The following EHBP1 variants were observed in gnomAD, a reference collection of about 807,000 sequenced individuals.
EHBP1 encodes the protein EH domain binding protein 1.
A neutral mutation model predicts 144.0 loss-of-function variants in EHBP1; 55 were observed. The observed-to-expected ratio is 0.38, with a 90% CI of 0.31 to 0.48. The LOEUF is 0.48. Ranked by LOEUF, EHBP1 falls within the 20% of genes least tolerant of loss-of-function variation. The pLI, the probability that EHBP1 is intolerant of heterozygous loss-of-function variation, is 0.98. For synonymous variants in EHBP1, 469 were observed against 472.7 expected, an observed-to-expected ratio of 0.99 and a Z score of 0.10; for missense variants, 1,200 against 1,364.2, an observed-to-expected ratio of 0.88 and a Z score of 1.90.
intron 5 of EHBP1, among the ~76,000 whole-genome samples, chr2:62,778,495 C>T (rs958423387): frequency 1.3e-5 from 2 of 148,856 alleles, no homozygotes; most frequent in Non-Finnish European, 3.0e-5. Flanking sequence ...AATGAGCTCT[C>T]ATTGCGCCAC....
intron 19 of EHBP1, among the ~76,000 whole-genome samples, chr2:63,003,749 G>C (rs774844147): frequency 1.4e-4 from 22 of 152,078 alleles, no homozygotes; most frequent in Non-Finnish European, 2.9e-4. Flanking sequence ...GAAGAAGCCA[G>C]AGGGGATTAT....
At chr2:63,005,558 A>C (rs2060003925) in intron 19 of EHBP1, among the ~76,000 whole-genome samples, 1 of 152,206 alleles carries the variant, frequency 6.6e-6, no homozygotes, top group East Asian at 1.9e-4. Context: ...CTGTAAGCTT[A>C]AAGAATAAGA....
intron 1 of EHBP1, among the ~76,000 whole-genome samples, chr2:62,694,576 C>A (rs1273781807): frequency 1.3e-5 from 2 of 151,842 alleles, no homozygotes; most frequent in Non-Finnish European, 2.9e-5. Flanking sequence ...CTCTTACTGC[C>A]TTTTAAAATG....
intron 10 of EHBP1, among the ~76,000 whole-genome samples, chr2:62,875,971 A>G (rs1439685777): frequency 1.3e-5 from 2 of 152,214 alleles, no homozygotes; most frequent in Non-Finnish European, 2.9e-5. Flanking sequence ...CCCCTAAGAC[A>G]TATGAGATTA....
At chr2:62,691,031 GA>G (rs1473555424) in intron 1 of EHBP1, among the ~76,000 whole-genome samples, 1 of 152,222 alleles carries the variant, frequency 6.6e-6, no homozygotes, top group African/African-American at 2.4e-5. Flanking sequence ...GGTTAACTTA[GA>G]AAGTTGTTCC....
intron 5 of EHBP1, among the ~76,000 whole-genome samples, chr2:62,805,905 G>A (rs998457484): frequency 6.6e-6 from 1 of 152,084 alleles, no homozygotes; most frequent in Non-Finnish European, 1.5e-5. Context: ...TTCAGTTGCT[G>A]CATTTAGAAC....
At chr2:62,966,288 C>T (rs866030756) in intron 14 of EHBP1, among the ~76,000 whole-genome samples, 1 of 152,080 alleles carries the variant, frequency 6.6e-6, no homozygotes, top group Non-Finnish European at 1.5e-5. Flanking sequence ...TTTTTTCCCC[C>T]TATTTCAGAA....
chr2:63,031,502 C>T (rs2061245139), intron 19 of EHBP1, among the ~76,000 whole-genome samples: 1 of 152,180 alleles, frequency 6.6e-6, no homozygotes, highest in Admixed American at 6.5e-5. Context: ...AGTGTTTTAA[C>T]TTTAGTCAAA....
At chr2:62,938,418 G>A (rs1033972771) in intron 10 of EHBP1, among the ~76,000 whole-genome samples, 6 of 151,972 alleles carry the variant, frequency 3.9e-5, no homozygotes, top group Non-Finnish European at 2.9e-5. Flanking sequence ...ATAGTTAGAG[G>A]GATAGAGCAG....
At chr2:62,762,139 G>GT (rs2040820042) in intron 3 of EHBP1, among the ~76,000 whole-genome samples, 1 of 152,030 alleles carries the variant, frequency 6.6e-6, no homozygotes, top group African/African-American at 2.4e-5. Flanking sequence ...CCCAGTGACC[G>GT]TTTTTCAGGC....
intron 13 of EHBP1, among the ~76,000 whole-genome samples, chr2:62,950,166 A>G (rs2057300432): frequency 6.6e-6 from 1 of 151,580 alleles, no homozygotes; most frequent in Admixed American, 6.6e-5. Flanking sequence ...CCTCTGTGCC[A>G]TCAAAAGCAT....
At chr2:62,935,222 G>A (rs1390651509) in intron 10 of EHBP1, among the ~76,000 whole-genome samples, 2 of 151,246 alleles carry the variant, frequency 1.3e-5, no homozygotes, top group African/African-American at 2.4e-5. Flanking sequence ...CCAGCTACTC[G>A]GGAGGCTGAG....
Position 62,734,349 on chromosome 2 carries a change from A to G in EHBP1, c.105-13046A>G, listed in dbSNP as rs529125140. ...TTAAAAAAAACATTTTAACATTTCC[A>G]TCTTGGATCCATTTTGAGTTTATTC... On this transcript the variant is annotated intron_variant, in intron 2 of 22. Coordinates refer to ENST00000431489, the MANE Select transcript of EHBP1 (RefSeq NM_001142616.3). Among the ~76,000 whole-genome samples the G allele has an allele frequency of 4.7e-5, 7 of 147,944 alleles. 1 individual carries two copies. In the South Asian group the frequency reaches 1.5e-3, roughly 31 times the overall value.
intron 5 of EHBP1, among the ~76,000 whole-genome samples, chr2:62,814,838 T>A (rs1445498310): frequency 2.0e-5 from 3 of 152,204 alleles, no homozygotes. Flanking sequence ...CAGGTGAACT[T>A]TGTTGTGATG....
intron 10 of EHBP1, among the ~76,000 whole-genome samples, chr2:62,904,034 T>G (rs2053617414): frequency 6.6e-6 from 1 of 152,216 alleles, no homozygotes; most frequent in Admixed American, 6.5e-5. Context: ...CTCTTTGGAC[T>G]ACAAGCAATA....
At chr2:62,998,884 T>G (rs2059744190) in intron 19 of EHBP1, among the ~76,000 whole-genome samples, 1 of 152,142 alleles carries the variant, frequency 6.6e-6, no homozygotes, top group African/African-American at 2.4e-5. Context: ...TTAAACCTCC[T>G]CCAACACAAA....
At chr2:62,812,325 G>A (rs557046872) in intron 5 of EHBP1, among the ~76,000 whole-genome samples, 1 of 152,314 alleles carries the variant, frequency 6.6e-6, no homozygotes, top group South Asian at 2.1e-4. Context: ...ACTGAGAAGT[G>A]AGATTGTGGC....
At chr2:62,866,840 T>A (rs901010600) in intron 9 of EHBP1, among the ~76,000 whole-genome samples, 22 of 151,974 alleles carry the variant, frequency 1.4e-4, no homozygotes, top group Non-Finnish European at 2.5e-4. Flanking sequence ...AATAAAAAAA[T>A]TTAAAAATAT....
intron 3 of EHBP1, among the ~76,000 whole-genome samples, chr2:62,752,803 A>G (rs1166629262): frequency 6.6e-6 from 1 of 151,034 alleles, no homozygotes; most frequent in African/African-American, 2.4e-5. Flanking sequence ...AGTGTGTTTT[A>G]TCAGAGACCT....
Sources: gnomAD v4.1 joint callset for allele counts (sites outside exome capture counted in the v4.1 genomes callset) on GRCh38, gnomAD v4.1.1 for gene constraint, MANE v1.5 for transcripts, NCBI Gene and HGNC (gene_info 2026-07-23, HGNC 2026-07-21) for gene names.